The following PDGFD variants were observed in gnomAD, a reference collection of about 807,000 sequenced individuals.
The protein encoded by PDGFD is platelet derived growth factor D, also known as platelet-derived growth factor D.
In PDGFD, 30 loss-of-function variants were observed where a neutral mutation model predicts 44.7. That is an observed-to-expected ratio of 0.67 (90% CI 0.50 to 0.91). The LOEUF is 0.91. Ranked by LOEUF, PDGFD falls within the 40% of genes least tolerant of loss-of-function variation. The probability of loss-of-function intolerance (pLI) is 0.00; values close to 1 mark genes in which losing one functional copy is unlikely to be tolerated. For synonymous variants in PDGFD, 173 were observed against 168.4 expected (o/e 1.03, Z -0.21); for missense variants, 445 against 457.8 (o/e 0.97, Z 0.25).
intron 3 of PDGFD, among the ~76,000 whole-genome samples, chr11:103,960,073 A>C (rs1243744956): frequency 1.3e-5 from 2 of 152,190 alleles, no homozygotes; most frequent in Admixed American, 6.6e-5. Context: ...GCAAAATTTT[A>C]ATCCCAGATT....
chr11:104,024,875 G>C (rs1395186074), intron 1 of PDGFD, among the ~76,000 whole-genome samples: 1 of 152,198 alleles, frequency 6.6e-6, no homozygotes, highest in African/African-American at 2.4e-5. Context: ...TGGATCTCAA[G>C]AAGTTGTGGG....
intron 1 of PDGFD, chr11:104,037,591 G>A: frequency 6.2e-7 from 1 of 1,614,132 alleles, no homozygotes; most frequent in Non-Finnish European, 8.5e-7. Flanking sequence ...TCCTTTGAAG[G>A]CTTTTGTTGA....
intron 6 of PDGFD, among the ~76,000 whole-genome samples, chr11:103,915,771 A>G (rs78866933): frequency 0.46 from 69,314 of 151,642 alleles, 15,890 homozygotes; most frequent in South Asian, 0.49. Flanking sequence ...CAGAACAGAG[A>G]CCTCAGAAAT....
chr11:104,056,300 T>C (rs781197057), intron 1 of PDGFD, among the ~76,000 whole-genome samples: 4 of 152,174 alleles, frequency 2.6e-5, no homozygotes. Context: ...TAGACATTTG[T>C]AGTGGATTGA....
chr11:104,134,488 G>C (rs1453959591), intron 1 of PDGFD, among the ~76,000 whole-genome samples: 1 of 152,120 alleles, frequency 6.6e-6, no homozygotes, highest in Admixed American at 6.5e-5. Flanking sequence ...TACAGCTTCA[G>C]AAACAACTGG....
chr11:103,994,665 G>C (rs1172248440), intron 3 of PDGFD, among the ~76,000 whole-genome samples: 1 of 151,920 alleles, frequency 6.6e-6, no homozygotes, highest in East Asian at 1.9e-4. Flanking sequence ...TTATAGTACT[G>C]TGTTCTATTT....
At chr11:103,945,881 C>T (rs1858661420) in intron 4 of PDGFD, 1 of 152,172 alleles carries the variant, frequency 6.6e-6, no homozygotes, top group African/African-American at 2.4e-5. Flanking sequence ...ATGAGCTTTA[C>T]TGCTGTTTTC....
chr11:103,982,519 C>A (rs879935862), intron 3 of PDGFD, among the ~76,000 whole-genome samples: 3 of 151,622 alleles, frequency 2.0e-5, no homozygotes, highest in Non-Finnish European at 2.9e-5. Context: ...GACAAGGATG[C>A]CCTCTCTCAT....
chr11:104,133,608 C>G (rs1328172783), intron 1 of PDGFD, among the ~76,000 whole-genome samples: 1 of 152,172 alleles, frequency 6.6e-6, no homozygotes, highest in Non-Finnish European at 1.5e-5. Flanking sequence ...CCCTTAGGAT[C>G]TTATTGACAT....
In PDGFD at chr11:104,119,573, A is replaced by T. The variant is rs868283293; in HGVS notation, c.124+44231T>A. Among the ~76,000 whole-genome samples, 21 of 93,664 alleles carry T rather than the reference A, an allele frequency of 2.2e-4. 1 individual carries two copies. The highest frequency in any genetic ancestry group is 7.6e-4 in the African/African-American group (17 of 22,336). The allele number at this position is 93,664 out of a possible 152,430, so 61.4% of individuals were successfully genotyped here. A position where few individuals can be genotyped will look rare whatever the true frequency, so the allele number is the denominator to read the frequency against. ...ATATTGATATAATATATAATATATT[A>T]ATATAATATATTGATATAATATATA... On this transcript the variant is annotated intron_variant, in intron 1 of 6. Coordinates refer to ENST00000393158, the MANE Select transcript of PDGFD (RefSeq NM_025208.5).
At chr11:104,122,835 G>C (rs1310473775) in intron 1 of PDGFD, among the ~76,000 whole-genome samples, 1 of 151,822 alleles carries the variant, frequency 6.6e-6, no homozygotes, top group Non-Finnish European at 1.5e-5. Flanking sequence ...TGTTGATCCT[G>C]ATGACTCTCT....
At chr11:104,003,988 G>A (rs528230385) in intron 1 of PDGFD, among the ~76,000 whole-genome samples, 2 of 152,276 alleles carry the variant, frequency 1.3e-5, no homozygotes, top group East Asian at 1.9e-4. Flanking sequence ...TGCAAAACAA[G>A]ACCAGGGGAC....
At chr11:103,977,745 C>T (rs1724026686) in intron 3 of PDGFD, among the ~76,000 whole-genome samples, 1 of 151,834 alleles carries the variant, frequency 6.6e-6, no homozygotes, top group African/African-American at 2.4e-5. Flanking sequence ...CCATTTTTCA[C>T]CCATAAAAGG....
intron 1 of PDGFD, among the ~76,000 whole-genome samples, chr11:104,095,915 T>C (rs993297850): frequency 2.0e-5 from 3 of 152,160 alleles, no homozygotes; most frequent in Admixed American, 1.3e-4. Flanking sequence ...GTGAGTTAGC[T>C]CTATTAGTTC....
intron 1 of PDGFD, among the ~76,000 whole-genome samples, chr11:104,016,054 T>G (rs990351873): frequency 6.6e-6 from 1 of 152,218 alleles, no homozygotes; most frequent in Non-Finnish European, 1.5e-5. Flanking sequence ...GCAGAGGTCT[T>G]TTTATTTGCA....
At chr11:104,036,817 C>A in intron 1 of PDGFD, 1 of 1,610,082 alleles carries the variant, frequency 6.2e-7, no homozygotes, top group Non-Finnish European at 8.5e-7. Flanking sequence ...CGCCCGGGCC[C>A]CCGCCATGCT....
chr11:104,046,369 A>T (rs1860442509), intron 1 of PDGFD, among the ~76,000 whole-genome samples: 2 of 147,946 alleles, frequency 1.4e-5, no homozygotes, highest in African/African-American at 4.9e-5. Flanking sequence ...TACAGGCCTC[A>T]TTCTATCAGA....
chr11:104,034,731 C>T (rs2134392319), intron 1 of PDGFD, among the ~76,000 whole-genome samples: 1 of 152,058 alleles, frequency 6.6e-6, no homozygotes, highest in South Asian at 2.1e-4. Flanking sequence ...CAAGCTCCAC[C>T]TCCAAGGTTC....
At chr11:104,032,861 T>G (rs1453855961) in intron 1 of PDGFD, among the ~76,000 whole-genome samples, 1 of 152,000 alleles carries the variant, frequency 6.6e-6, no homozygotes, top group African/African-American at 2.4e-5. Flanking sequence ...CAAAAAAAAT[T>G]TAATTATATT....
Sources: gnomAD v4.1 joint callset for allele counts (sites outside exome capture counted in the v4.1 genomes callset) on GRCh38, gnomAD v4.1.1 for gene constraint, MANE v1.5 for transcripts, NCBI Gene and HGNC (gene_info 2026-07-23, HGNC 2026-07-21) for gene names.